SPAG9: variants seen among roughly 807,000 people sequenced by gnomAD.
SPAG9 encodes sperm associated antigen 9.
In SPAG9, 35 loss-of-function variants were observed where a neutral mutation model predicts 166.5. That is an observed-to-expected ratio of 0.21 (90% confidence interval 0.16 to 0.28). SPAG9 has a LOEUF of 0.28. Among genes scored for constraint, SPAG9 ranks in the 10% least tolerant of loss-of-function variants. SPAG9 has a pLI of 1.00. For synonymous variants in SPAG9, 534 were observed against 565.5 expected (o/e 0.94, Z 0.79); for missense variants, 1,235 against 1,603.3 (o/e 0.77, Z 3.92).
chr17:50,997,454 T>C (rs1487205860), intron 15 of SPAG9, among the ~76,000 whole-genome samples: 1 of 152,188 alleles, frequency 6.6e-6, no homozygotes, highest in East Asian at 1.9e-4. Flanking sequence ...TTGATATAGG[T>C]TAGATTTTAG....
intron 13 of SPAG9, among the ~76,000 whole-genome samples, chr17:51,000,920 T>C (rs1440979578): frequency 1.3e-5 from 2 of 152,218 alleles, no homozygotes; most frequent in Non-Finnish European, 2.9e-5. Context: ...AGAATACTGA[T>C]CTTCCTTATG....
At chr17:51,024,578 C>T (rs890509912) in intron 6 of SPAG9, among the ~76,000 whole-genome samples, 7 of 151,644 alleles carry the variant, frequency 4.6e-5, no homozygotes, top group Non-Finnish European at 7.4e-5. Flanking sequence ...CCGGGCGTGG[C>T]GGCACACGTC....
chr17:51,043,424 T>G (rs1042098606), intron 4 of SPAG9, among the ~76,000 whole-genome samples: 1 of 152,224 alleles, frequency 6.6e-6, no homozygotes, highest in Non-Finnish European at 1.5e-5. Context: ...CCATATACTA[T>G]AGAACCCTGT....
intron 1 of SPAG9, among the ~76,000 whole-genome samples, chr17:51,095,823 GAGAGATAT>G (rs201274560): frequency 0.24 from 33,819 of 143,366 alleles, 4,797 homozygotes; most frequent in Admixed American, 0.33. Flanking sequence ...TATATATAGG[GAGAGATAT>G]AGAGATATAT....
chr17:51,060,838 GTTTT>G (rs371247482), intron 2 of SPAG9, among the ~76,000 whole-genome samples: 1 of 146,834 alleles, frequency 6.8e-6, no homozygotes, highest in East Asian at 2.0e-4. Context: ...AGAGAAAAGG[GTTTT>G]TTTTGTTTTT....
At chr17:51,047,015 C>T in intron 4 of SPAG9, 1 of 1,170,426 alleles carries the variant, frequency 8.5e-7, no homozygotes, top group Non-Finnish European at 1.1e-6. Flanking sequence ...CTAGCTAACC[C>T]TTTCAAACAT....
At chr17:50,990,729 T>C in intron 19 of SPAG9, 61 bp from the exon 20 acceptor site, 1 of 1,351,756 alleles carries the variant, frequency 7.4e-7, no homozygotes, top group South Asian at 1.2e-5. Context: ...TTTTTTTTAC[T>C]AAAACAATTA....
chr17:50,983,464 T>C (rs1974802778), intron 24 of SPAG9, among the ~76,000 whole-genome samples: 1 of 152,226 alleles, frequency 6.6e-6, no homozygotes, highest in African/African-American at 2.4e-5. Context: ...GCTGTCTTTA[T>C]CTAGCCTAGT....
intron 1 of SPAG9, among the ~76,000 whole-genome samples, chr17:51,116,953 G>GT (rs762955618): frequency 9.2e-5 from 14 of 152,248 alleles, no homozygotes; most frequent in Non-Finnish European, 1.8e-4. Context: ...CATCAGACGG[G>GT]TCTTGGTTAA....
chr17:50,998,916 A>G (rs751133835), intron 14 of SPAG9, among the ~76,000 whole-genome samples: 5 of 152,196 alleles, frequency 3.3e-5, no homozygotes, highest in Non-Finnish European at 7.3e-5. Context: ...TACTGAATAA[A>G]TATATTTTGG....
intron 1 of SPAG9, among the ~76,000 whole-genome samples, chr17:51,118,840 A>G (rs1260178938): frequency 6.6e-6 from 1 of 152,182 alleles, no homozygotes; most frequent in Non-Finnish European, 1.5e-5. Context: ...ACTTGAGGCC[A>G]GGAGTTCAAG....
Position 51,056,392 on chromosome 17 carries a change from T to C in SPAG9, c.495+20A>G, listed in dbSNP as rs1313936505. ...CTTTGTCTCAATAATAGCATGGTAA[T>C]GAAAAACCTAGAAACCCACCTCAGT... is the stretch of plus-strand genomic sequence containing the variant. On this transcript the variant is annotated intron_variant, in intron 3 of 29. Coordinates refer to ENST00000262013, the MANE Select transcript of SPAG9 (RefSeq NM_001130528.3). 1 of 1,446,240 alleles carries C rather than the reference T, an allele frequency of 6.9e-7. No individual in the cohort carries two copies. Among genetic ancestry groups the C allele is most frequent in the Admixed American group, 1.7e-5 (1 of 58,940 alleles). The allele number at this position is 1,446,240 out of a possible 1,614,324, so 89.6% of individuals were successfully genotyped here. A position where few individuals can be genotyped will look rare whatever the true frequency, so the allele number is the denominator to read the frequency against.
rs370934973 is a variant in SPAG9 at position 51,098,840 on chromosome 17, G to A, written c.304-19136C>T. Among the ~76,000 whole-genome samples the A allele has an allele frequency of 4.4e-4, 66 of 151,714 alleles. No individual in the cohort carries two copies. The East Asian group carries it at 8.9e-3, about 21-fold the overall frequency. The stretch of plus-strand genomic sequence containing the variant: ...CTTTGGGCCGGGCACAGTGGCTCAC[G>A]CCAGTAATCCCAGCAATTTGGGAGG... On this transcript the variant is annotated intron_variant, in intron 1 of 29. Transcript: ENST00000262013.
Position 50,990,841 on chromosome 17 carries a change from T to TA in SPAG9, c.2399-174dup, listed in dbSNP as rs902422852. ...ATCTTCACAATATGGGAAGGTAACT[T>TA]AAAAAATTAAGAAAATACTTCTATT... On this transcript the variant is annotated intron_variant, in intron 19 of 29. Transcript: ENST00000262013. 148 of 561,550 alleles carry TA rather than the reference T, an allele frequency of 2.6e-4. 1 individual carries two copies. In the African/African-American group the frequency reaches 2.7e-3, roughly 10 times the overall value. The allele number at this position is 561,550 out of a possible 1,614,324, so 34.8% of individuals were successfully genotyped here.
At position 50,964,763 on chromosome 17, in the gene SPAG9, T is replaced by C; in HGVS notation, c.*1509A>G. Reference sequence around the variant, plus strand: ...CTTTAATCTATTTTTTGCTTGTTTGTCTGTTTTGAGACAGGGTCTTGCTCC... The same window carrying C: ...CTTTAATCTATTTTTTGCTTGTTTGCCTGTTTTGAGACAGGGTCTTGCTCC... On this transcript the variant is annotated 3_prime_UTR_variant, in exon 30 of 30. Coordinates refer to ENST00000262013, the MANE Select transcript of SPAG9 (RefSeq NM_001130528.3). 1 of 452,642 alleles carries C rather than the reference T, an allele frequency of 2.2e-6. No homozygotes were observed. 28.0% of individuals were successfully genotyped at this position (452,642 alleles called of 1,614,324 possible). A position where few individuals can be genotyped will look rare whatever the true frequency, so the allele number is the denominator to read the frequency against.
chr17:51,119,180 G>A (rs775023025), intron 1 of SPAG9, among the ~76,000 whole-genome samples: 4 of 152,088 alleles, frequency 2.6e-5, no homozygotes, highest in Non-Finnish European at 4.4e-5. Context: ...AGATGCAAAG[G>A]TATACGTGAC....
At chr17:50,974,604 G>T (rs1248631776) in intron 28 of SPAG9, among the ~76,000 whole-genome samples, 167 bp downstream of exon 28, 1 of 152,194 alleles carries the variant, frequency 6.6e-6, no homozygotes, top group Non-Finnish European at 1.5e-5. Flanking sequence ...CTTCATTCAA[G>T]TATCCCTATA....
chr17:51,066,717 C>A (rs946579558), intron 2 of SPAG9, among the ~76,000 whole-genome samples: 9 of 151,560 alleles, frequency 5.9e-5, no homozygotes, highest in African/African-American at 2.2e-4. Flanking sequence ...CATGGTGAAA[C>A]CCCGTCTCTA....
intron 5 of SPAG9, among the ~76,000 whole-genome samples, chr17:51,039,851 G>C (rs1166375600): frequency 2.6e-5 from 4 of 152,214 alleles, no homozygotes; most frequent in East Asian, 3.9e-4. Context: ...AGCACACACA[G>C]CAAGTAGGCA....
Sources: allele counts gnomAD v4.1 joint callset (sites outside exome capture counted in the v4.1 genomes callset), GRCh38; gene constraint gnomAD v4.1.1; transcripts MANE v1.5; gene names NCBI Gene and HGNC (gene_info 2026-07-23, HGNC 2026-07-21).